TAFA1: variants seen among roughly 807,000 people sequenced by gnomAD.
TAFA1 encodes chemokine-like protein TAFA-1.
In TAFA1, 4 loss-of-function variants were observed where a neutral mutation model predicts 18.5. That is an observed-to-expected ratio of 0.22 (90% CI 0.11 to 0.49). The LOEUF is 0.49. Ranked by LOEUF, TAFA1 falls within the 20% of genes least tolerant of loss-of-function variation. The probability of loss-of-function intolerance (pLI) is 0.98; values close to 1 mark genes in which losing one functional copy is unlikely to be tolerated. For missense variants in TAFA1, 147 were observed against 169.0 expected (o/e 0.87, Z 0.72); for synonymous variants, 56 against 55.2 (o/e 1.01, Z -0.06).
At chr3:68,524,628 G>A (rs2073077987) in intron 3 of TAFA1, among the ~76,000 whole-genome samples, 1 of 151,972 alleles carries the variant, frequency 6.6e-6, no homozygotes, top group East Asian at 1.9e-4. Flanking sequence ...CTCAGATTGG[G>A]AAGTACTTTT....
Position 68,372,348 on chromosome 3 carries a change from G to A in TAFA1, c.119-44932G>A, listed in dbSNP as rs78134996. 1.2e-4 allele frequency among the ~76,000 whole-genome samples: 19 copies of A among 152,228 alleles called. No homozygotes were observed. In the East Asian group the frequency reaches 2.7e-3, roughly 22 times the overall value. On this transcript the variant is annotated intron_variant, in intron 2 of 4. Transcript: ENST00000478136. ...GCAGTATGATGGTTTAGTGACAGCC[G>A]AAAATGTACACGCAAGTAAAGACAA...
At chr3:68,468,771 T>G (rs1222784954) in intron 3 of TAFA1, among the ~76,000 whole-genome samples, 1 of 152,218 alleles carries the variant, frequency 6.6e-6, no homozygotes, top group Non-Finnish European at 1.5e-5. Flanking sequence ...TTTATGGGAT[T>G]TTTTCACTGG....
In TAFA1 at chr3:68,076,434, T is replaced by C. The variant is rs1182382816; in HGVS notation, c.118+69690T>C. On this transcript the variant is annotated intron_variant, in intron 2 of 4. Transcript: ENST00000478136. ...AACTCATCATCTAGCATTAGGTATA[T>C]CTCCCAATGCTATCCCTCCCCCCTC... Among the ~76,000 whole-genome samples the C allele has an allele frequency of 6.0e-5, 9 of 150,674 alleles. No homozygotes were observed. The East Asian group carries it at 1.8e-3, about 30-fold the overall frequency.
chr3:68,390,213 C>T (rs1404158310), intron 2 of TAFA1, among the ~76,000 whole-genome samples: 1 of 152,134 alleles, frequency 6.6e-6, no homozygotes, highest in Non-Finnish European at 1.5e-5. Context: ...AGGGTTTTCC[C>T]CTCACAGTGT....
intron 2 of TAFA1, among the ~76,000 whole-genome samples, chr3:68,177,833 G>T (rs1433763725): frequency 6.6e-6 from 1 of 152,096 alleles, no homozygotes; most frequent in Non-Finnish European, 1.5e-5. Context: ...TATTTCAGAG[G>T]ATGGTCACCA....
At chr3:68,170,885 C>T (rs944284964) in intron 2 of TAFA1, among the ~76,000 whole-genome samples, 24 of 151,528 alleles carry the variant, frequency 1.6e-4, no homozygotes, top group African/African-American at 4.9e-4. Flanking sequence ...CACACACACA[C>T]GTACACACAC....
At chr3:68,012,628 A>G (rs1704494060) in intron 2 of TAFA1, among the ~76,000 whole-genome samples, 1 of 152,172 alleles carries the variant, frequency 6.6e-6, no homozygotes, top group Non-Finnish European at 1.5e-5. Context: ...TGAACTTTTA[A>G]CTTCCTATAA....
chr3:68,276,339 A>T (rs531944100), intron 2 of TAFA1, among the ~76,000 whole-genome samples: 10 of 152,210 alleles, frequency 6.6e-5, no homozygotes, highest in Admixed American at 4.6e-4. Flanking sequence ...TGGCATCGTT[A>T]GTCGCTACTC....
At chr3:68,506,040 C>T (rs528236931) in intron 3 of TAFA1, among the ~76,000 whole-genome samples, 1 of 152,004 alleles carries the variant, frequency 6.6e-6, no homozygotes, top group Admixed American at 6.6e-5. Flanking sequence ...CCCTCCCCTA[C>T]CTCCCCACCT....
intron 3 of TAFA1, among the ~76,000 whole-genome samples, chr3:68,419,104 G>A (rs771054764): frequency 4.6e-5 from 7 of 152,274 alleles, no homozygotes; most frequent in Non-Finnish European, 8.8e-5. Flanking sequence ...TCCTCACAAC[G>A]TGGTAGCTGG....
chr3:68,332,810 G>T (rs1417413401), intron 2 of TAFA1, among the ~76,000 whole-genome samples: 1 of 152,152 alleles, frequency 6.6e-6, no homozygotes, highest in Non-Finnish European at 1.5e-5. Flanking sequence ...CTGTAGGTGG[G>T]AATGTAAATT....
intron 2 of TAFA1, among the ~76,000 whole-genome samples, chr3:68,377,653 G>T (rs1207232202): frequency 6.6e-6 from 1 of 152,192 alleles, no homozygotes. Context: ...CCAACACAAT[G>T]GGGAAAATGT....
At chr3:68,320,350 G>T (rs1318065446) in intron 2 of TAFA1, among the ~76,000 whole-genome samples, 4 of 152,124 alleles carry the variant, frequency 2.6e-5, no homozygotes, top group African/African-American at 7.2e-5. Context: ...TCATTGCCCT[G>T]CTCTGCTCTG....
At chr3:68,192,263 T>G (rs1349131386) in intron 2 of TAFA1, 1 of 151,840 alleles carries the variant, frequency 6.6e-6, no homozygotes, top group Non-Finnish European at 1.5e-5. Flanking sequence ...ATGAGGTCTT[T>G]TCCCCTCTCT....
At chr3:68,226,689 T>C (rs2066805081) in intron 2 of TAFA1, among the ~76,000 whole-genome samples, 1 of 152,174 alleles carries the variant, frequency 6.6e-6, no homozygotes, top group Non-Finnish European at 1.5e-5. Context: ...CTTAAGACTC[T>C]CAACCACCCT....
intron 2 of TAFA1, among the ~76,000 whole-genome samples, chr3:68,270,349 T>C (rs987074362): frequency 5.3e-5 from 8 of 152,104 alleles, no homozygotes; most frequent in African/African-American, 1.9e-4. Flanking sequence ...TTGAGATGAC[T>C]CTTGTTGCAT....
chr3:68,241,640 G>A (rs976168479), intron 2 of TAFA1, among the ~76,000 whole-genome samples: 5 of 152,036 alleles, frequency 3.3e-5, no homozygotes, highest in Admixed American at 1.3e-4. Context: ...CCTCTGAATT[G>A]GATCATCAGT....
chr3:68,278,301 A>G (rs1231236300), intron 2 of TAFA1, among the ~76,000 whole-genome samples: 1 of 152,146 alleles, frequency 6.6e-6, no homozygotes, highest in East Asian at 1.9e-4. Context: ...GTTTATATAA[A>G]GAATTTCACA....
At chr3:68,375,272 C>T (rs1444982969) in intron 2 of TAFA1, among the ~76,000 whole-genome samples, 3 of 152,168 alleles carry the variant, frequency 2.0e-5, no homozygotes, top group African/African-American at 7.2e-5. Context: ...CCACTCCAGA[C>T]AGTGGTGTTA....
Sources: gnomAD v4.1 joint callset for allele counts (sites outside exome capture counted in the v4.1 genomes callset) on GRCh38, gnomAD v4.1.1 for gene constraint, MANE v1.5 for transcripts, NCBI Gene and HGNC (gene_info 2026-07-23, HGNC 2026-07-21) for gene names.